The following COL12A1 variants were observed in gnomAD, a reference collection of about 807,000 sequenced individuals.
COL12A1 encodes collagen type XII alpha 1 chain, also known as collagen alpha-1(XII) chain.
A neutral mutation model predicts 349.7 loss-of-function variants in COL12A1; 114 were observed. The observed-to-expected ratio is 0.33, with a 90% confidence interval of 0.28 to 0.38. COL12A1 has a LOEUF of 0.38. COL12A1 is among the 10% of genes least tolerant of loss of function. The pLI is 1.00. For synonymous variants in COL12A1, 1,369 were observed against 1,329.0 expected (o/e 1.03, Z -0.66); for missense variants, 3,284 against 3,756.9 (o/e 0.87, Z 3.29).
chr6:75,111,483 T>A (rs1200712009), intron 51 of COL12A1, among the ~76,000 whole-genome samples: 6 of 151,888 alleles, frequency 4.0e-5, no homozygotes, highest in Non-Finnish European at 7.4e-5. Flanking sequence ...AAGCATTCCA[T>A]GACAGTTGGA....
At chr6:75,153,605 A>G (rs1350674313) in intron 17 of COL12A1, among the ~76,000 whole-genome samples, 1 of 152,180 alleles carries the variant, frequency 6.6e-6, no homozygotes, top group Non-Finnish European at 1.5e-5. Flanking sequence ...TCACTCATAT[A>G]TTATATACTA....
At chr6:75,177,585 T>C in intron 12 of COL12A1, 78 bp downstream of exon 12, 1 of 1,546,990 alleles carries the variant, frequency 6.5e-7, no homozygotes, top group Non-Finnish European at 8.9e-7. Context: ...ATTAGTTTTT[T>C]ATCTGGATAG....
rs749754621 is a variant in COL12A1 at position 75,091,394 on chromosome 6, T to A, written c.8686-5A>T. On this transcript the variant is annotated splice_polypyrimidine_tract_variant and splice_region_variant and intron_variant, in intron 61 of 65. Coordinates refer to ENST00000322507, the MANE Select transcript of COL12A1 (RefSeq NM_004370.6). ...GTTCTGGGAAGCAATGTCTCCCTTG[T>A]TGAATTAATGAGAATGATTAGCATA... 2.7e-5 allele frequency: 44 copies of A among 1,613,644 alleles called. No homozygotes were observed. Among genetic ancestry groups the A allele is most frequent in the Non-Finnish European group, 3.6e-5 (43 of 1,179,834 alleles).
At chr6:75,182,265 T>G (rs240412) in intron 10 of COL12A1, among the ~76,000 whole-genome samples, 136,537 of 151,706 alleles carry the variant, frequency 0.9, 61,586 homozygotes, top group Non-Finnish European at 0.93. Context: ...GAACGTGCAG[T>G]TTTGTTACAT....
chr6:75,120,039 T>G (rs895539274), intron 44 of COL12A1, among the ~76,000 whole-genome samples: 1 of 152,222 alleles, frequency 6.6e-6, no homozygotes, highest in African/African-American at 2.4e-5. Flanking sequence ...TGGATTTTTT[T>G]TATCAGTAAA....
At chr6:75,152,072 C>T (rs369997213) in intron 19 of COL12A1, 41 bp from the exon 20 acceptor site, 61 of 1,613,702 alleles carry the variant, frequency 3.8e-5, no homozygotes, top group Admixed American at 2.8e-4. Flanking sequence ...CATCACCATT[C>T]AGCCACAAAC....
intron 49 of COL12A1, among the ~76,000 whole-genome samples, chr6:75,114,329 T>C (rs561185294): frequency 6.6e-6 from 1 of 152,028 alleles, no homozygotes; most frequent in South Asian, 2.1e-4. Flanking sequence ...AAAATCCATT[T>C]TAAATATGAA....
chr6:75,157,006 C>T (rs1236201364), intron 14 of COL12A1, among the ~76,000 whole-genome samples: 1 of 152,116 alleles, frequency 6.6e-6, no homozygotes, highest in Non-Finnish European at 1.5e-5. Flanking sequence ...TTGCCACGCA[C>T]ATCTCAGACT....
intron 2 of COL12A1, 85 bp downstream of exon 2, chr6:75,202,635 G>C (rs1471254062): frequency 2.3e-6 from 3 of 1,329,744 alleles, no homozygotes; most frequent in Admixed American, 2.1e-5. Flanking sequence ...GGAAAACAGA[G>C]CAAGCAATAG....
intron 23 of COL12A1, 24 bp from the exon 24 acceptor site, chr6:75,146,268 A>G: frequency 1.3e-6 from 2 of 1,579,436 alleles, no homozygotes; most frequent in Non-Finnish European, 8.6e-7. Context: ...AAAGCAGACC[A>G]TCAGTCTAGT....
At chr6:75,103,843 A>G (rs1465489702) in intron 54 of COL12A1, 33 bp from the exon 55 acceptor site, 4 of 1,521,002 alleles carry the variant, frequency 2.6e-6, no homozygotes, top group African/African-American at 2.8e-5. Flanking sequence ...TAGTGTGAAC[A>G]TAGGAAAATA....
intron 38 of COL12A1, among the ~76,000 whole-genome samples, chr6:75,127,486 C>T (rs754283576): frequency 5.9e-5 from 9 of 152,160 alleles, no homozygotes; most frequent in Non-Finnish European, 1.0e-4. Context: ...AGTCATGTTA[C>T]TTAAGTAGAT....
rs753710142 is a variant in COL12A1, at chr6:75,151,147, C to T, written c.4141G>A (p.Gly1381Ser). 3 of 1,598,582 alleles carry T rather than the reference C, an allele frequency of 1.9e-6. No individual in the cohort carries two copies. The highest frequency in any genetic ancestry group is 2.7e-5 in the African/African-American group (2 of 74,134). ...AACTCTGGGTTAAACTTACCTGGAC[C>T]TTTGACACTGTTACACAAATTAATG... is the stretch of plus-strand genomic sequence containing the variant. ...LTINLCNSVKGPGDLEAPSNL... is the reference protein window; with the variant it reads ...LTINLCNSVKSPGDLEAPSNL... The change falls in exon 21 of 66, where the codon GGT becomes AGT. Residue 1381 changes from glycine to serine, a missense_variant. This residue lies in a region of COL12A1 where 2,601 missense variants were observed against 2,824.8 expected (regional missense o/e 0.92). Coordinates refer to ENST00000322507, the MANE Select transcript of COL12A1 (RefSeq NM_004370.6).
intron 35 of COL12A1, among the ~76,000 whole-genome samples, chr6:75,131,262 CATG>C (rs1489516039): frequency 7.2e-5 from 11 of 152,252 alleles, no homozygotes; most frequent in African/African-American, 2.4e-4. Context: ...ATGCAAAGCT[CATG>C]ATATTTCCCC....
In COL12A1 at chr6:75,177,916, G is replaced by T; in HGVS notation, c.2184C>A (p.Asn728Lys). ...CTGTAGTCTCATCTGTCACCTTTAG[G>T]TTTCGAGGTGCTCCTTTTACTGAAA... ...TTEEVKGAPRNLKVTDETTDS... is the reference protein window; with the variant it reads ...TTEEVKGAPRKLKVTDETTDS... Residue 728 changes from asparagine (N) to lysine (K), a missense_variant, in exon 12 of 66, where the codon AAC becomes AAA. Asn to Lys is a moderately conservative substitution (Grantham distance 94). Transcript: ENST00000322507. 6.2e-7 allele frequency: 1 copy of T among 1,606,866 alleles called. No homozygotes were observed.
intron 16 of COL12A1, among the ~76,000 whole-genome samples, chr6:75,155,344 T>C (rs1386891283): frequency 6.6e-6 from 1 of 152,134 alleles, no homozygotes. Context: ...TTCGGTGACA[T>C]TGTGTAATAA....
At chr6:75,177,037 C>T (rs1020707333) in intron 12 of COL12A1, among the ~76,000 whole-genome samples, 2 of 152,162 alleles carry the variant, frequency 1.3e-5, no homozygotes, top group Non-Finnish European at 2.9e-5. Flanking sequence ...TTCAATGGTG[C>T]ATAGCAGTTT....
intron 31 of COL12A1, among the ~76,000 whole-genome samples, chr6:75,135,373 T>C (rs1183410897): frequency 6.6e-6 from 1 of 152,204 alleles, no homozygotes; most frequent in African/African-American, 2.4e-5. Flanking sequence ...GCCTTAGCTG[T>C]GTTAACGACA....
At chr6:75,133,792 T>C (rs1766433049) in intron 33 of COL12A1, 66 bp downstream of exon 33, 1 of 1,579,694 alleles carries the variant, frequency 6.3e-7, no homozygotes, top group Non-Finnish European at 8.7e-7. Flanking sequence ...CTCCTTCAGT[T>C]CCACTTTTAA....
Sources: gnomAD v4.1 joint callset for allele counts (sites outside exome capture counted in the v4.1 genomes callset) on GRCh38, gnomAD v4.1.1 for gene constraint, gnomAD v4.1.1 regional missense constraint, MANE v1.5 for transcripts, NCBI Gene and HGNC (gene_info 2026-07-23, HGNC 2026-07-21) for gene names.